Variants in FBXO34 observed in about 807,000 individuals in gnomAD.
FBXO34 encodes F-box only protein 34.
A neutral mutation model predicts 24.5 loss-of-function variants in FBXO34; 12 were observed. The observed-to-expected ratio is 0.49, with a 90% CI of 0.31 to 0.79. FBXO34 has a LOEUF of 0.79. FBXO34 is among the 30% of genes least tolerant of loss of function. The pLI, the probability that FBXO34 is intolerant of heterozygous loss-of-function variation, is 0.04. For missense variants in FBXO34, 823 were observed against 857.7 expected (o/e 0.96, Z 0.51); for synonymous variants, 320 against 311.9 (o/e 1.03, Z -0.27).
At chr14:55,363,812 A>G (rs145521152), downstream of FBXO34, among the ~76,000 whole-genome samples, 45 of 151,678 alleles carry the variant, frequency 3.0e-4, no homozygotes, top group Non-Finnish European at 4.9e-4. Context: ...GCCCAAGACA[A>G]TTCTTCCAAT....
chr14:55,291,942 C>T (rs1414426689), intron 1 of FBXO34, among the ~76,000 whole-genome samples: 9 of 151,822 alleles, frequency 5.9e-5, no homozygotes, highest in Admixed American at 1.3e-4. Flanking sequence ...CTCCAGCCTG[C>T]GTGACAAAGT....
chr14:55,424,235 A>C, the FBXO34 span: 1 of 1,612,932 alleles, frequency 6.2e-7, no homozygotes, highest in African/African-American at 1.3e-5. Flanking sequence ...TAAGACCAGG[A>C]AACAGTTCAG....
intron 1 of FBXO34, among the ~76,000 whole-genome samples, chr14:55,325,658 A>G (rs1372557713): frequency 6.6e-6 from 1 of 152,130 alleles, no homozygotes; most frequent in Non-Finnish European, 1.5e-5. Flanking sequence ...TATTTTTAGT[A>G]GAGATGGGGT....
Position 55,351,450 on chromosome 14 carries a change from A to C in FBXO34, c.1060A>C (p.Arg354=), listed in dbSNP as rs750910074. 1 of 1,614,208 alleles carries C rather than the reference A, an allele frequency of 6.2e-7. No homozygotes were observed. Among genetic ancestry groups the C allele is most frequent in the South Asian group, 1.1e-5 (1 of 91,080 alleles). ...TGTATCTGTGGATTGTGGCCCTTCA[A>C]GAGCTGATCGTTGTTCTCCTAAGGA... ...GSVSVDCGPS[R]ADRCSPKEDQ... Residue 354 remains arginine, a synonymous_variant, in exon 2 of 2, where the codon AGA becomes CGA. Coordinates refer to ENST00000313833, the MANE Select transcript of FBXO34 (RefSeq NM_017943.4).
chr14:55,407,169 G>A, the FBXO34 span, among the ~76,000 whole-genome samples: 2 of 151,830 alleles, frequency 1.3e-5, no homozygotes, highest in African/African-American at 4.8e-5. Flanking sequence ...TCGCTCTCTC[G>A]CCAGGCTGGA....
chr14:55,310,231 A>G (rs1202259374), intron 1 of FBXO34, among the ~76,000 whole-genome samples: 2 of 152,196 alleles, frequency 1.3e-5, no homozygotes, highest in Non-Finnish European at 2.9e-5. Flanking sequence ...TGTGAACATA[A>G]AGGTTTGAAT....
chr14:55,329,781 T>A (rs548561220), intron 1 of FBXO34, among the ~76,000 whole-genome samples: 1 of 152,332 alleles, frequency 6.6e-6, no homozygotes, highest in African/African-American at 2.4e-5. Flanking sequence ...TATTTTCTCT[T>A]AGCCTCTTTA....
At chr14:55,401,411 T>C in the FBXO34 span, among the ~76,000 whole-genome samples, 1 of 152,218 alleles carries the variant, frequency 6.6e-6, no homozygotes, top group Admixed American at 6.5e-5. Flanking sequence ...TTTGTTGTTG[T>C]TGTTTAATGA....
rs749085464 is a variant in FBXO34 at position 55,350,400 on chromosome 14, A to G, written c.10A>G (p.Lys4Glu). 6 of 1,576,524 alleles carry G rather than the reference A, an allele frequency of 3.8e-6. No homozygotes were observed. Among genetic ancestry groups the G allele is most frequent in the Non-Finnish European group, 5.1e-6 (6 of 1,166,580 alleles). The change falls in exon 2 of 2, where the codon AAG becomes GAG. Residue 4 changes from lysine to glutamate, a missense_variant. By Grantham distance (56) the Lys-to-Glu change is moderately conservative. Coordinates refer to ENST00000313833, the MANE Select transcript of FBXO34 (RefSeq NM_017943.4). MHL[K>E]PYWKLQKKEH... ...CTATAGGGGCTTTGTTATGCACCTA[A>G]AGCCATATTGGAAGCTCCAGAAGAA...
At chr14:55,383,616 A>T in the FBXO34 span, among the ~76,000 whole-genome samples, 1 of 151,630 alleles carries the variant, frequency 6.6e-6, no homozygotes, top group African/African-American at 2.4e-5. Context: ...ACAACAAAAA[A>T]TAACAAGCCC....
chr14:55,440,692 G>A, the FBXO34 span: 4 of 941,732 alleles, frequency 4.2e-6, no homozygotes, highest in Non-Finnish European at 4.5e-6. Flanking sequence ...ATGGGCTAGG[G>A]GTGGGCCGGA....
At chr14:55,355,060 C>T (rs1884500480), downstream of FBXO34, 1 of 152,150 alleles carries the variant, frequency 6.6e-6, no homozygotes, top group Admixed American at 6.6e-5. Flanking sequence ...CCTCCTACTT[C>T]AAGCCCTTAC....
the FBXO34 span, chr14:55,414,444 G>T: frequency 1.4e-5 from 23 of 1,604,372 alleles, no homozygotes; most frequent in Non-Finnish European, 1.8e-5. Flanking sequence ...ATCTCAGAAC[G>T]TTCTTTGGCA....
At chr14:55,390,885 TGGAA>T in the FBXO34 span, 1 of 1,490,660 alleles carries the variant, frequency 6.7e-7, no homozygotes, top group South Asian at 1.2e-5. Flanking sequence ...TTTCTAGGGC[TGGAA>T]GGAAGGACAC....
the FBXO34 span, chr14:55,436,878 C>A: frequency 6.2e-7 from 1 of 1,614,190 alleles, no homozygotes; most frequent in African/African-American, 1.3e-5. Context: ...AGCTAAGATC[C>A]ACAGATGAGA....
At chr14:55,289,827 G>T (rs530038736) in intron 1 of FBXO34, among the ~76,000 whole-genome samples, 5 of 152,008 alleles carry the variant, frequency 3.3e-5, no homozygotes, top group African/African-American at 1.2e-4. Context: ...GATTACAGGA[G>T]TGGGTCCCCA....
intron 1 of FBXO34, among the ~76,000 whole-genome samples, chr14:55,323,508 G>A (rs566149505): frequency 1.3e-5 from 2 of 151,598 alleles, no homozygotes; most frequent in South Asian, 2.1e-4. Context: ...TCAGCCTCCC[G>A]AGTAGCTGGG....
At chr14:55,346,486 G>A (rs904157594) in intron 1 of FBXO34, among the ~76,000 whole-genome samples, 1 of 152,184 alleles carries the variant, frequency 6.6e-6, no homozygotes, top group Non-Finnish European at 1.5e-5. Flanking sequence ...GATTCTTTTT[G>A]ATATCCAGGT....
At chr14:55,429,130 C>T in the FBXO34 span, among the ~76,000 whole-genome samples, 4 of 152,230 alleles carry the variant, frequency 2.6e-5, no homozygotes, top group African/African-American at 4.8e-5. Flanking sequence ...CCCATACTTT[C>T]GTCCCTAGCA....
Sources: allele counts gnomAD v4.1 joint callset (sites outside exome capture counted in the v4.1 genomes callset), GRCh38; gene constraint gnomAD v4.1.1; transcripts MANE v1.5; gene names NCBI Gene and HGNC (gene_info 2026-07-23, HGNC 2026-07-21).